Variants in MAPK4 observed in about 807,000 individuals in gnomAD.
MAPK4 encodes mitogen-activated protein kinase 4, also known as Erk3-related.
MAPK4 carries 22 observed loss-of-function variants against 47.7 expected under a neutral mutation model. That is an observed-to-expected ratio of 0.46 (90% CI 0.33 to 0.66). MAPK4 has a LOEUF of 0.66. MAPK4 is among the 30% of genes least tolerant of loss of function. MAPK4 has a pLI of 0.02. For synonymous variants in MAPK4, 390 were observed against 365.7 expected (o/e 1.07, Z -0.76); for missense variants, 736 against 831.7 (o/e 0.88, Z 1.42).
intron 1 of MAPK4, among the ~76,000 whole-genome samples, chr18:50,646,863 ACTC>A (rs1440924038): frequency 6.6e-6 from 1 of 151,802 alleles, no homozygotes; most frequent in Non-Finnish European, 1.5e-5. Context: ...GATAGCCTCT[ACTC>A]ACTCTTCAAT....
chr18:50,706,515 C>T (rs553716837), intron 2 of MAPK4, among the ~76,000 whole-genome samples: 3 of 151,782 alleles, frequency 2.0e-5, no homozygotes, highest in South Asian at 2.1e-4. Context: ...TCTGAGAGCC[C>T]GTGCTCTAGA....
intron 1 of MAPK4, among the ~76,000 whole-genome samples, chr18:50,599,339 C>G (rs2042513922): frequency 6.6e-6 from 1 of 152,156 alleles, no homozygotes; most frequent in Admixed American, 6.5e-5. Flanking sequence ...CACTTCTAAG[C>G]TAAGATTTAT....
intron 2 of MAPK4, among the ~76,000 whole-genome samples, chr18:50,695,203 G>A (rs543400915): frequency 7.2e-5 from 11 of 151,956 alleles, no homozygotes; most frequent in African/African-American, 2.2e-4. Flanking sequence ...AAATTTAGCC[G>A]GGTATGGTGG....
chr18:50,640,719 G>T (rs1225692393), intron 1 of MAPK4, among the ~76,000 whole-genome samples: 1 of 152,154 alleles, frequency 6.6e-6, no homozygotes, highest in African/African-American at 2.4e-5. Context: ...ACCCGCCTTG[G>T]CCTACCAAAG....
chr18:50,719,687 G>T (rs1910831415), intron 3 of MAPK4, among the ~76,000 whole-genome samples: 1 of 152,176 alleles, frequency 6.6e-6, no homozygotes, highest in African/African-American at 2.4e-5. Flanking sequence ...CTTCCAACAG[G>T]CTGACAACCT....
At chr18:50,596,787 G>A (rs890115374) in intron 1 of MAPK4, among the ~76,000 whole-genome samples, 1 of 152,220 alleles carries the variant, frequency 6.6e-6, no homozygotes, top group Admixed American at 6.5e-5. Context: ...AATGACAAGA[G>A]TGTGATGAGG....
intron 2 of MAPK4, among the ~76,000 whole-genome samples, chr18:50,695,271 G>A (rs1243795725): frequency 2.0e-5 from 3 of 149,846 alleles, no homozygotes; most frequent in East Asian, 4.0e-4. Flanking sequence ...GTTTGAACCC[G>A]GGAGGCGGAG....
At chr18:50,705,532 C>T (rs1024075215) in intron 2 of MAPK4, 1 of 152,222 alleles carries the variant, frequency 6.6e-6, no homozygotes, top group Admixed American at 6.5e-5. Context: ...CTGGCAAAAT[C>T]CCTTGTACAG....
intron 2 of MAPK4, among the ~76,000 whole-genome samples, chr18:50,686,054 G>A (rs1346794497): frequency 6.6e-6 from 1 of 151,376 alleles, no homozygotes; most frequent in African/African-American, 2.5e-5. Context: ...TGAGGTGATG[G>A]TAGAGACTGG....
chr18:50,679,222 G>T (rs1010009230), intron 2 of MAPK4, among the ~76,000 whole-genome samples: 2 of 152,228 alleles, frequency 1.3e-5, no homozygotes, highest in African/African-American at 4.8e-5. Context: ...GCTGAGCTGG[G>T]TGGAGCCCAA....
intron 1 of MAPK4, among the ~76,000 whole-genome samples, chr18:50,606,484 C>T (rs2149374988): frequency 6.6e-6 from 1 of 152,266 alleles, no homozygotes; most frequent in African/African-American, 2.4e-5. Context: ...AAATGCTGCC[C>T]TATCTATTGG....
chr18:50,568,532 TA>T (rs1180771618), intron 1 of MAPK4, among the ~76,000 whole-genome samples: 1 of 152,242 alleles, frequency 6.6e-6, no homozygotes, highest in Non-Finnish European at 1.5e-5. Flanking sequence ...CATACACTTT[TA>T]ATAACTGCTA....
At chr18:50,605,934 G>A (rs2042579346) in intron 1 of MAPK4, among the ~76,000 whole-genome samples, 1 of 152,106 alleles carries the variant, frequency 6.6e-6, no homozygotes, top group Non-Finnish European at 1.5e-5. Context: ...CAAAGGGGAA[G>A]AGTCATGAGG....
At chr18:50,725,660 C>T (rs1022061004) in intron 4 of MAPK4, among the ~76,000 whole-genome samples, 6 of 152,192 alleles carry the variant, frequency 3.9e-5, no homozygotes, top group African/African-American at 1.4e-4. Context: ...ACATAAACTA[C>T]CTACAACCCT....
chr18:50,702,116 C>G (rs948315936), intron 2 of MAPK4, among the ~76,000 whole-genome samples: 4 of 129,202 alleles, frequency 3.1e-5, no homozygotes, highest in African/African-American at 1.1e-4. Flanking sequence ...GAGCTGAGAT[C>G]ACACCACTGC....
chr18:50,656,458 C>T lies in MAPK4; in HGVS notation c.-870-6631C>T, dbSNP rs78920343. On this transcript the variant is annotated intron_variant, in intron 1 of 5. Transcript: ENST00000400384. ...GAAGGAGCAGCAGCTTCCCCAAAAG[C>T]GAACAGGAGAGAGTGATTACCTCAG... Among the ~76,000 whole-genome samples, 997 of 152,312 alleles carry T rather than the reference C, an allele frequency of 6.5e-3. 7 individuals are homozygous for T. The highest frequency in any genetic ancestry group is 0.022 in the African/African-American group (906 of 41,564).
chr18:50,722,222 C>T, intron 4 of MAPK4, 123 bp downstream of exon 4: 2 of 1,113,986 alleles, frequency 1.8e-6, no homozygotes, highest in Non-Finnish European at 2.5e-6. Context: ...ATATAAAAGT[C>T]AAGGCTCCCC....
At chr18:50,597,879 A>C (rs1479915663) in intron 1 of MAPK4, among the ~76,000 whole-genome samples, 1 of 152,226 alleles carries the variant, frequency 6.6e-6, no homozygotes, top group Admixed American at 6.5e-5. Context: ...GGTATTAAGT[A>C]GTTAGAGCTC....
intron 1 of MAPK4, among the ~76,000 whole-genome samples, chr18:50,570,541 G>T (rs1260377825): frequency 6.6e-6 from 1 of 152,094 alleles, no homozygotes; most frequent in Non-Finnish European, 1.5e-5. Context: ...ATTCAAACTG[G>T]ACCCCAAAAT....
Sources: gnomAD v4.1 joint callset for allele counts (sites outside exome capture counted in the v4.1 genomes callset) on GRCh38, gnomAD v4.1.1 for gene constraint, MANE v1.5 for transcripts, NCBI Gene and HGNC (gene_info 2026-07-23, HGNC 2026-07-21) for gene names.